Variants in RAD52 observed in about 807,000 individuals in gnomAD.
RAD52 encodes the protein DNA repair protein RAD52 homolog.
Under a neutral mutation model 55.5 loss-of-function variants are expected in RAD52, and 47 were observed. The ratio of observed to expected loss-of-function variants is 0.85; its 90% CI spans 0.67 to 1.08. The LOEUF is 1.08. Among genes scored for constraint, RAD52 ranks in the 50% least tolerant of loss-of-function variants. RAD52 has a pLI of 0.00. For synonymous variants in RAD52, 184 were observed against 198.9 expected, an observed-to-expected ratio of 0.92 and a Z score of 0.63; for missense variants, 468 against 522.8, an observed-to-expected ratio of 0.90 and a Z score of 1.02.
chr12:926,721 G>A (rs939538568), intron 6 of RAD52: 1 of 1,379,276 alleles, frequency 7.3e-7, no homozygotes, highest in African/African-American at 1.4e-5. Flanking sequence ...CCCAGCCTCT[G>A]GTATTCCTGT....
intron 1 of RAD52, among the ~76,000 whole-genome samples, chr12:958,361 G>A (rs187856440): frequency 1.3e-5 from 2 of 152,010 alleles, no homozygotes; most frequent in African/African-American, 4.8e-5. Flanking sequence ...GATTATAAGC[G>A]CTCGCCACCA....
intron 1 of RAD52, among the ~76,000 whole-genome samples, chr12:971,889 C>T (rs1958862146): frequency 6.6e-6 from 1 of 152,172 alleles, no homozygotes; most frequent in Admixed American, 6.5e-5. Context: ...GCTGGGACTA[C>T]AGGCACCCGC....
chr12:950,917 C>T (rs539204670), upstream of RAD52, among the ~76,000 whole-genome samples: 1 of 151,964 alleles, frequency 6.6e-6, no homozygotes, highest in African/African-American at 2.4e-5. Context: ...ATTCCCCAGC[C>T]TCTGGGGAAT....
At chr12:961,891 G>C (rs1592474455) in intron 1 of RAD52, among the ~76,000 whole-genome samples, 1 of 151,888 alleles carries the variant, frequency 6.6e-6, no homozygotes, top group Non-Finnish European at 1.5e-5. Flanking sequence ...GAGAGAGAGA[G>C]AGACACTAGA....
At chr12:953,923 A>C (rs1301204462), upstream of RAD52, among the ~76,000 whole-genome samples, 1 of 152,266 alleles carries the variant, frequency 6.6e-6, no homozygotes, top group South Asian at 2.1e-4. Context: ...ACAGACGTCT[A>C]TTTTATTTGC....
chr12:936,894 C>T (rs972301112), intron 1 of RAD52: 4 of 152,240 alleles, frequency 2.6e-5, no homozygotes, highest in South Asian at 2.1e-4. Flanking sequence ...TGATCAAACA[C>T]GTCTGGGTTA....
rs7295192 is a variant in RAD52, at chr12:919,020, C to A, written c.544-2200G>T. ...AAGTTCAAAAACAGGAAAAAATAAT[C>A]CATGGAAGTCAGAATAGAAGACAGG... On this transcript the variant is annotated intron_variant, in intron 7 of 11. Transcript: ENST00000358495. 6.6e-3 allele frequency among the ~76,000 whole-genome samples: 1,005 copies of A among 152,118 alleles called. 8 individuals are homozygous for A. The highest frequency in any genetic ancestry group is 0.022 in the African/African-American group (914 of 41,484).
At chr12:984,749 C>T (rs900191224) in intron 1 of RAD52, among the ~76,000 whole-genome samples, 1 of 151,936 alleles carries the variant, frequency 6.6e-6, no homozygotes, top group Non-Finnish European at 1.5e-5. Flanking sequence ...ACTGCAAGCT[C>T]CGCCTCCCGG....
intron 9 of RAD52, among the ~76,000 whole-genome samples, chr12:916,006 C>T (rs11064588): frequency 0.13 from 20,135 of 152,146 alleles, 1,678 homozygotes; most frequent in Middle Eastern, 0.22. Context: ...CATGAGCCAC[C>T]GTGCCCGGCC....
chr12:971,805 T>G (rs552684670), intron 1 of RAD52, among the ~76,000 whole-genome samples: 1 of 151,996 alleles, frequency 6.6e-6, no homozygotes, highest in African/African-American at 2.4e-5. Flanking sequence ...TGGAGTGCAG[T>G]GGCGCGATCT....
At position 913,215 on chromosome 12, in the gene RAD52, T is replaced by C; in HGVS notation, c.*176A>G. The C allele has an allele frequency of 1.6e-6, 1 of 626,972 alleles. No individual in the cohort carries two copies. The highest frequency in any genetic ancestry group is 2.0e-5 in the South Asian group (1 of 49,924). The allele number at this position is 626,972 out of a possible 1,614,324, so 38.8% of individuals were successfully genotyped here. On this transcript the variant is annotated 3_prime_UTR_variant, in exon 12 of 12. Coordinates refer to ENST00000358495, the MANE Select transcript of RAD52 (RefSeq NM_134424.4). ...GAGTGATGGACAAGCTTTTCAAAAGTGCTCAGCTCTAACTGCAGTGGGCTC... is the reference window on the plus strand; with the variant it reads ...GAGTGATGGACAAGCTTTTCAAAAGCGCTCAGCTCTAACTGCAGTGGGCTC...
chr12:978,216 C>CT (rs1201842596), intron 1 of RAD52, among the ~76,000 whole-genome samples: 169 of 147,910 alleles, frequency 1.1e-3, no homozygotes, highest in African/African-American at 1.8e-3. Context: ...GCTAATTTTT[C>CT]TTTTTTTTTT....
At chr12:917,223 G>T (rs940211177) in intron 7 of RAD52, among the ~76,000 whole-genome samples, 9 of 152,212 alleles carry the variant, frequency 5.9e-5, no homozygotes, top group African/African-American at 1.9e-4. Flanking sequence ...GGAGCCTCGG[G>T]CACGCTGTGG....
chr12:989,572 A>G (rs1158738362), intron 1 of RAD52, among the ~76,000 whole-genome samples: 1 of 152,114 alleles, frequency 6.6e-6, no homozygotes, highest in East Asian at 1.9e-4. Flanking sequence ...AAAAATAAAA[A>G]ACAAAAATCT....
intron 1 of RAD52, among the ~76,000 whole-genome samples, chr12:973,827 C>G (rs1027571068): frequency 4.1e-5 from 6 of 146,238 alleles, no homozygotes; most frequent in Non-Finnish European, 8.9e-5. Flanking sequence ...CTCACTGATG[C>G]CCAGGCTGGA....
At chr12:982,953 G>A (rs575405918) in intron 1 of RAD52, among the ~76,000 whole-genome samples, 23 of 152,176 alleles carry the variant, frequency 1.5e-4, no homozygotes, top group East Asian at 3.9e-4. Flanking sequence ...GGGTTCAAGC[G>A]ATTCTCTTGC....
In RAD52 at chr12:912,381, T is replaced by C. The variant is rs1055376740; in HGVS notation, c.*1010A>G. On this transcript the variant is annotated 3_prime_UTR_variant, in exon 12 of 12. Coordinates refer to ENST00000358495, the MANE Select transcript of RAD52 (RefSeq NM_134424.4). ...AAACTCTGTTTCATGCACAAAATTA[T>C]GTGTATGAGGCATATACACGAAACA... 3 of 203,066 alleles carry C rather than the reference T, an allele frequency of 1.5e-5. No individual in the cohort carries two copies. Among genetic ancestry groups the C allele is most frequent in the East Asian group, 7.5e-5 (1 of 13,310 alleles). 12.6% of individuals were successfully genotyped at this position (203,066 alleles called of 1,614,324 possible). A position where few individuals can be genotyped will look rare whatever the true frequency, so the allele number is the denominator to read the frequency against.
In RAD52 at chr12:912,174, C is replaced by CTAAT. The variant is rs1303989056; in HGVS notation, c.*1213_*1216dup. 5.1e-6 allele frequency: 1 copy of CTAAT among 196,402 alleles called. No individual in the cohort carries two copies. Among genetic ancestry groups the CTAAT allele is most frequent in the African/African-American group, 2.3e-5 (1 of 43,226 alleles). 12.2% of individuals were successfully genotyped at this position (196,402 alleles called of 1,614,324 possible). On this transcript the variant is annotated 3_prime_UTR_variant, in exon 12 of 12. Transcript: ENST00000358495. ...TAGAAACAGTTGCGTTTGAGCATCC[C>CTAAT]TAATTGAAATGCTCTGAGATCAGAA...
In RAD52 at chr12:947,628, T is replaced by C. The variant is rs1270759243; in HGVS notation, c.-19+1974A>G. Among the ~76,000 whole-genome samples, 3 of 150,348 alleles carry C rather than the reference T, an allele frequency of 2.0e-5. No homozygotes were observed. The Admixed American group carries it at 2.0e-4, about 10-fold the overall frequency. On this transcript the variant is annotated intron_variant, in intron 1 of 11. Coordinates refer to ENST00000358495, the MANE Select transcript of RAD52 (RefSeq NM_134424.4). ...CCACCCAGGCGCGGTGGCTCACACC[T>C]GTAATCCCAGCACTTTGGGAGGCCG...
Sources: allele counts gnomAD v4.1 joint callset (sites outside exome capture counted in the v4.1 genomes callset), GRCh38; gene constraint gnomAD v4.1.1; transcripts MANE v1.5; gene names NCBI Gene and HGNC (gene_info 2026-07-23, HGNC 2026-07-21).